GPM6A: variants seen among roughly 807,000 people sequenced by gnomAD.
The protein encoded by GPM6A is glycoprotein M6A.
A neutral mutation model predicts 32.1 loss-of-function variants in GPM6A; 7 were observed. That is an observed-to-expected ratio of 0.22 (90% CI 0.12 to 0.41). The LOEUF (loss-of-function observed/expected upper bound fraction) is 0.41, where lower values mean the gene tolerates loss of function less well. GPM6A is among the 10% of genes least tolerant of loss of function. The pLI is 1.00. For missense variants in GPM6A, 235 were observed against 347.2 expected (o/e 0.68, Z 2.57); for synonymous variants, 130 against 123.4 (o/e 1.05, Z -0.35).
In GPM6A at chr4:175,737,870, G is replaced by A. The variant is rs934435681; in HGVS notation, c.38-36103C>T. The stretch of plus-strand genomic sequence containing the variant: ...AAGAATTCACCAATTACTTGGAGAG[G>A]GCACCAAGCCATTCATGGGGATGCA... On this transcript the variant is annotated intron_variant, in intron 1 of 6. Transcript: ENST00000393658. Among the ~76,000 whole-genome samples, 4 of 151,772 alleles carry A rather than the reference G, an allele frequency of 2.6e-5. 1 individual carries two copies. In the East Asian group the frequency reaches 5.8e-4, roughly 22 times the overall value.
intron 1 of GPM6A, among the ~76,000 whole-genome samples, chr4:175,948,704 G>T (rs534423080): frequency 1.7e-4 from 26 of 152,326 alleles, no homozygotes; most frequent in Admixed American, 3.3e-4. Context: ...CTAACTGGAA[G>T]TGAGAAGAAT....
rs532515967 is a variant in GPM6A, at chr4:175,826,470, C to T, written c.-22-14221G>A. ...ACTATTATGTGGTCATTGCATATTT[C>T]TGAGTTGTTAATATAGTAGTTTCGA... On this transcript the variant is annotated intron_variant, in intron 1 of 7. Transcript: ENST00000280187. Among the ~76,000 whole-genome samples the T allele has an allele frequency of 1.9e-3, 287 of 152,156 alleles. 1 individual carries two copies. The highest frequency in any genetic ancestry group is 6.6e-3 in the African/African-American group (276 of 41,514).
chr4:175,785,054 G>A (rs972768244), intron 1 of GPM6A, among the ~76,000 whole-genome samples: 4 of 152,310 alleles, frequency 2.6e-5, no homozygotes, highest in Admixed American at 2.6e-4. Flanking sequence ...TAGCTTGAGT[G>A]ACTTGGCTTT....
chr4:175,916,800 A>C (rs1306300736), intron 1 of GPM6A, among the ~76,000 whole-genome samples: 2 of 152,220 alleles, frequency 1.3e-5, no homozygotes, highest in Non-Finnish European at 2.9e-5. Flanking sequence ...CAGGTAACCA[A>C]GTCTAGATCC....
chr4:175,830,079 G>A (rs1735561966), intron 1 of GPM6A, among the ~76,000 whole-genome samples: 1 of 152,066 alleles, frequency 6.6e-6, no homozygotes, highest in Admixed American at 6.6e-5. Context: ...CAGAGGACCA[G>A]AGAAAGGAGA....
At chr4:175,923,319 T>C (rs1161795482) in intron 1 of GPM6A, among the ~76,000 whole-genome samples, 1 of 147,290 alleles carries the variant, frequency 6.8e-6, no homozygotes, top group Admixed American at 6.9e-5. Context: ...ACTGCAAAGG[T>C]AGAGAGCCAT....
At chr4:175,688,581 G>T (rs1744124679) in intron 2 of GPM6A, among the ~76,000 whole-genome samples, 1 of 152,022 alleles carries the variant, frequency 6.6e-6, no homozygotes, top group Non-Finnish European at 1.5e-5. Context: ...AGACTCTAGG[G>T]TTCAACAGCA....
At chr4:175,704,965 A>C (rs529063565) in intron 1 of GPM6A, among the ~76,000 whole-genome samples, 1 of 152,234 alleles carries the variant, frequency 6.6e-6, no homozygotes, top group Non-Finnish European at 1.5e-5. Context: ...CACCAAAACC[A>C]CTTCTGGGGA....
At chr4:175,636,793 T>C (rs928936345) in intron 6 of GPM6A, among the ~76,000 whole-genome samples, 5 of 147,214 alleles carry the variant, frequency 3.4e-5, no homozygotes, top group African/African-American at 1.2e-4. Context: ...AGACTCTGTC[T>C]CAAAAAAATA....
At position 175,951,119 on chromosome 4, in the gene GPM6A, C is replaced by T. The variant is rs568582261; in HGVS notation, c.-23+51190G>A. Among the ~76,000 whole-genome samples, 6 of 152,244 alleles carry T rather than the reference C, an allele frequency of 3.9e-5. No homozygotes were observed. The South Asian group carries it at 1.2e-3, about 32-fold the overall frequency. On this transcript the variant is annotated intron_variant, in intron 1 of 7. Transcript: ENST00000280187. Reference sequence around the variant, plus strand: ...TAGAAATTACTACTCTTAAATACAACACGTCGATAAATAATTGGAAAGCTT... The same window carrying T: ...TAGAAATTACTACTCTTAAATACAATACGTCGATAAATAATTGGAAAGCTT...
At chr4:175,833,395 C>T (rs1295663560) in intron 1 of GPM6A, among the ~76,000 whole-genome samples, 3 of 152,146 alleles carry the variant, frequency 2.0e-5, no homozygotes, top group African/African-American at 7.2e-5. Flanking sequence ...TGCAGAGACG[C>T]AGCTGAATGC....
chr4:175,656,329 GA>G (rs1387495618), intron 3 of GPM6A, among the ~76,000 whole-genome samples: 3 of 152,054 alleles, frequency 2.0e-5, no homozygotes, highest in African/African-American at 7.2e-5. Context: ...CATTTCATCA[GA>G]ACATGCAAAT....
chr4:175,675,558 T>C (rs1267423762), intron 2 of GPM6A, among the ~76,000 whole-genome samples: 2 of 152,224 alleles, frequency 1.3e-5, no homozygotes, highest in Non-Finnish European at 2.9e-5. Flanking sequence ...ATTTACACTT[T>C]CAATAAACCC....
chr4:175,762,779 C>A (rs1292328922), intron 1 of GPM6A, among the ~76,000 whole-genome samples: 2 of 152,142 alleles, frequency 1.3e-5, no homozygotes, highest in Non-Finnish European at 2.9e-5. Flanking sequence ...TCTTTCCCCA[C>A]AACCCCCAGG....
intron 1 of GPM6A, among the ~76,000 whole-genome samples, chr4:175,882,203 C>T (rs995222150): frequency 2.6e-5 from 4 of 151,858 alleles, no homozygotes; most frequent in East Asian, 1.9e-4. Context: ...CCTGAGGTAG[C>T]GTGCCTCTAA....
chr4:175,911,299 A>T (rs951797436), intron 1 of GPM6A, among the ~76,000 whole-genome samples: 22 of 152,122 alleles, frequency 1.4e-4, no homozygotes, highest in African/African-American at 4.6e-4. Flanking sequence ...ATATACACTT[A>T]AAAAAATCCT....
chr4:175,635,431 A>T (rs553218878), intron 6 of GPM6A, among the ~76,000 whole-genome samples: 1 of 152,254 alleles, frequency 6.6e-6, no homozygotes, highest in South Asian at 2.1e-4. Context: ...AAATATTTTC[A>T]CATACCGTTG....
chr4:175,868,119 T>C (rs551720037), intron 1 of GPM6A, among the ~76,000 whole-genome samples: 1 of 152,316 alleles, frequency 6.6e-6, no homozygotes, highest in South Asian at 2.1e-4. Context: ...CTCCAGCAAT[T>C]TGTTCAGGTT....
chr4:175,834,115 C>T (rs1408687224), intron 1 of GPM6A, among the ~76,000 whole-genome samples: 1 of 151,762 alleles, frequency 6.6e-6, no homozygotes, highest in Non-Finnish European at 1.5e-5. Flanking sequence ...GCCGTGACTA[C>T]CCAACCGAGA....
Sources: gnomAD v4.1 joint callset for allele counts (sites outside exome capture counted in the v4.1 genomes callset) on GRCh38, gnomAD v4.1.1 for gene constraint, MANE v1.5 for transcripts, NCBI Gene and HGNC (gene_info 2026-07-23, HGNC 2026-07-21) for gene names.